Variants in ZNF534 observed in about 807,000 individuals in gnomAD.
The protein encoded by ZNF534 is zinc finger protein 534.
A neutral mutation model predicts 13.6 loss-of-function variants in ZNF534; 19 were observed. That is an observed-to-expected ratio of 1.40 (90% CI 0.97 to 2.05). The LOEUF (loss-of-function observed/expected upper bound fraction) is 2.05, where lower values mean the gene tolerates loss of function less well. Among genes scored for constraint, ZNF534 ranks in the 30% most tolerant of loss-of-function variants. The pLI is 0.00. For synonymous variants in ZNF534, 244 were observed against 273.8 expected (o/e 0.89, Z 1.07); for missense variants, 782 against 796.3 (o/e 0.98, Z 0.22).
intron 4 of ZNF534, among the ~76,000 whole-genome samples, chr19:52,449,093 TATGAG>T (rs1169614462): frequency 3.3e-5 from 5 of 152,274 alleles, no homozygotes; most frequent in African/African-American, 9.6e-5. Flanking sequence ...CGAGTGAGAG[TATGAG>T]ATAATTGTCT....
intron 2 of ZNF534, 110 bp downstream of exon 2, chr19:52,431,599 G>A: frequency 7.1e-7 from 1 of 1,407,568 alleles, no homozygotes; most frequent in South Asian, 1.2e-5. Flanking sequence ...TCATTTCATT[G>A]CACTTACCCA....
In ZNF534 at chr19:52,441,255, C is replaced by A. The variant is rs140111093; in HGVS notation, c.*1809C>A. ...GTACTCCAGGCATGGTGGCTCACAC[C>A]TATAATCCCAGCCCTTTGGGAGGCC... On this transcript the variant is annotated 3_prime_UTR_variant, in exon 5 of 5. Transcript: ENST00000433050. Among the ~76,000 whole-genome samples, 1 of 152,170 alleles carries A rather than the reference C, an allele frequency of 6.6e-6. No homozygotes were observed. The highest frequency in any genetic ancestry group is 2.1e-4 in the South Asian group (1 of 4,828).
chr19:52,433,855 C>A, intron 2 of ZNF534, 100 bp from the exon 3 acceptor site: 1 of 1,382,662 alleles, frequency 7.2e-7, no homozygotes, highest in Non-Finnish European at 1.0e-6. Context: ...TGGCGCAGTG[C>A]TCGCTTCAGT....
chr19:52,439,099 G>C lies in ZNF534; in HGVS notation c.1639G>C (p.Glu547Gln). The part of the protein sequence containing the change: ...LVRHRNVHTG[E>Q]KPYSCNECGK... ...GCGACATAGGAATGTTCATACTGGA[G>C]AAAAGCCTTACAGTTGTAATGAATG... Residue 547 changes from glutamate (E) to glutamine (Q), a missense_variant, in exon 5 of 5, where the codon GAA (glutamate) becomes CAA (glutamine). Physicochemically the swap from Glu to Gln is conservative, Grantham distance 29. This residue lies in a region of ZNF534 where 591 missense variants were observed against 574.0 expected (regional missense o/e 1.03). Transcript: ENST00000433050. 6.3e-7 allele frequency: 1 copy of C among 1,594,960 alleles called. No homozygotes were observed. Among genetic ancestry groups the C allele is most frequent in the Non-Finnish European group, 8.5e-7 (1 of 1,170,174 alleles).
At chr19:52,451,331 C>A in exon 5 of ZNF534, 3 of 1,121,396 alleles carry the variant, frequency 2.7e-6, no homozygotes, top group South Asian at 1.3e-5. Flanking sequence ...CCATTTCCTT[C>A]CGTTTCTGCT....
downstream of ZNF534, among the ~76,000 whole-genome samples, chr19:52,446,371 C>T (rs2059194465): frequency 6.6e-6 from 1 of 152,030 alleles, no homozygotes; most frequent in African/African-American, 2.4e-5. Flanking sequence ...AAACTGACAC[C>T]CAACATTCTC....
downstream of ZNF534, among the ~76,000 whole-genome samples, chr19:52,446,583 T>C (rs185138074): frequency 2.1e-3 from 314 of 151,632 alleles, 2 homozygotes; most frequent in Middle Eastern, 3.5e-3. Flanking sequence ...TTTGGCTGAG[T>C]GTGGTGGCTC....
rs1599869847 is a variant in ZNF534 at position 52,441,780 on chromosome 19, G to A, written c.*2334G>A. On this transcript the variant is annotated 3_prime_UTR_variant, in exon 5 of 5. Coordinates refer to ENST00000433050, the MANE Select transcript of ZNF534 (RefSeq NM_001143938.3). The stretch of plus-strand genomic sequence containing the variant: ...CCTTACAAATACAAATCACCACATA[G>A]AGAGAAACCTTACAAATACAAATCA... 6.6e-6 allele frequency among the ~76,000 whole-genome samples: 1 copy of A among 152,208 alleles called. No individual in the cohort carries two copies. The highest frequency in any genetic ancestry group is 2.4e-5 in the African/African-American group (1 of 41,524).
At position 52,439,794 on chromosome 19, in the gene ZNF534, C is replaced by A. The variant is rs764332808; in HGVS notation, c.*348C>A. On this transcript the variant is annotated 3_prime_UTR_variant, in exon 5 of 5. Transcript: ENST00000433050. ...AAAAAAAATGAGTGAAGCTGCCAAG[C>A]ATGGTGGCTCACGCCTTTAATCCCA... Among the ~76,000 whole-genome samples the A allele has an allele frequency of 5.3e-5, 8 of 151,282 alleles. No homozygotes were observed. Among genetic ancestry groups the A allele is most frequent in the Non-Finnish European group, 1.0e-4 (7 of 67,898 alleles).
chr19:52,438,332 T>C lies in ZNF534; in HGVS notation c.872T>C (p.Ile291Thr). 6.2e-7 allele frequency: 1 copy of C among 1,606,538 alleles called. No individual in the cohort carries two copies. Among genetic ancestry groups the C allele is most frequent in the Non-Finnish European group, 8.5e-7 (1 of 1,174,320 alleles). ...HHAYLAQHRK[I>T]HTGEKPYKCS... ...GCCTACCTTGCACAGCATAGGAAAA[T>C]TCATACTGGAGAGAAGCCTTACAAA... Residue 291 changes from isoleucine to threonine, a missense_variant, in exon 5 of 5, where the codon ATT becomes ACT. Physicochemically the swap from Ile to Thr is moderately conservative, Grantham distance 89. Transcript: ENST00000433050.
chr19:52,435,318 C>T lies in ZNF534; in HGVS notation c.271+109C>T, dbSNP rs1230154753. 9.5e-6 allele frequency: 12 copies of T among 1,263,856 alleles called. No individual in the cohort carries two copies. The East Asian group carries it at 1.5e-4, about 16-fold the overall frequency. 78.3% of individuals were successfully genotyped at this position (1,263,856 alleles called of 1,614,324 possible). On this transcript the variant is annotated intron_variant, in intron 4 of 4. Coordinates refer to ENST00000433050, the MANE Select transcript of ZNF534 (RefSeq NM_001143938.3). ...CAGTGGCAATCATAGCTCACAGCAGCCTTAAACTCCTGGACTTAAGGGATC... is the reference window on the plus strand; with the variant it reads ...CAGTGGCAATCATAGCTCACAGCAGTCTTAAACTCCTGGACTTAAGGGATC...
intron 2 of ZNF534, among the ~76,000 whole-genome samples, chr19:52,433,555 A>G (rs2059105662): frequency 6.6e-6 from 1 of 152,250 alleles, no homozygotes; most frequent in Non-Finnish European, 1.5e-5. Context: ...TTTAGTAGAG[A>G]TGGGGTTTCA....
rs1599863582 is a variant in ZNF534 at position 52,436,901 on chromosome 19, A to T, written c.272-831A>T. On this transcript the variant is annotated intron_variant, in intron 4 of 4. Coordinates refer to ENST00000433050, the MANE Select transcript of ZNF534 (RefSeq NM_001143938.3). ...CTTTTAGTTTGGTGTCTGGAGTTTT[A>T]TTTATTTATTTATTTGTTATTCTTC... Among the ~76,000 whole-genome samples, 5 of 151,362 alleles carry T rather than the reference A, an allele frequency of 3.3e-5. No homozygotes were observed. In the South Asian group the frequency reaches 1.0e-3, roughly 32 times the overall value.
chr19:52,438,079 A>T lies in ZNF534; in HGVS notation c.619A>T (p.Ile207Phe). Residue 207 changes from isoleucine to phenylalanine, a missense_variant, in exon 5 of 5, where the codon ATC (isoleucine) becomes TTC (phenylalanine). Physicochemically the swap from Ile to Phe is conservative, Grantham distance 21. Transcript: ENST00000433050. ...VSSSLTNRQV[I>F]HIADKTYKCS... is the part of the protein sequence containing the mutation. ...TTCAAGCCTTACTAACCGTCAAGTA[A>T]TCCACATTGCAGATAAAACTTACAA... 6 of 1,614,208 alleles carry T rather than the reference A, an allele frequency of 3.7e-6. No homozygotes were observed. Among genetic ancestry groups the T allele is most frequent in the Non-Finnish European group, 5.1e-6 (6 of 1,180,036 alleles).
rs2059174074 is a variant in ZNF534, at chr19:52,441,757, TTACAAA to T, written c.*2319_*2324del. 6.6e-6 allele frequency among the ~76,000 whole-genome samples: 1 copy of T among 152,060 alleles called. No individual in the cohort carries two copies. The highest frequency in any genetic ancestry group is 1.5e-5 in the Non-Finnish European group (1 of 68,018). ...GCGAATCACCACATAGAGAGAAACC[TTACAAA>T]TACAAATCACCACATAGAGAGAAAC... On this transcript the variant is annotated 3_prime_UTR_variant, in exon 5 of 5. Transcript: ENST00000433050.
chr19:52,450,171 TA>T (rs959209910), intron 4 of ZNF534, among the ~76,000 whole-genome samples: 8 of 152,352 alleles, frequency 5.3e-5, no homozygotes, highest in African/African-American at 1.9e-4. Context: ...AGAATCTTTT[TA>T]GTTTAATATA....
At chr19:52,446,056 C>A (rs1295552685), downstream of ZNF534, among the ~76,000 whole-genome samples, 3 of 152,126 alleles carry the variant, frequency 2.0e-5, no homozygotes, top group Non-Finnish European at 2.9e-5. Context: ...TCCTTTAAAT[C>A]TTTAATTCAA....
chr19:52,438,238 C>T lies in ZNF534; in HGVS notation c.778C>T (p.His260Tyr). The change falls in exon 5 of 5, where the codon CAT becomes TAT. Residue 260 changes from histidine to tyrosine, a missense_variant. His to Tyr is a moderately conservative substitution (Grantham distance 83, BLOSUM62 2). Around this residue, in one of 5 missense-constraint regions of ZNF534, gnomAD observed 591 missense variants for 574.0 expected, o/e 1.03. Transcript: ENST00000433050. ...VFNQNSHLAQ[H>Y]QKIHTGQKPY... is the part of the protein sequence containing the mutation. Reference sequence around the variant, plus strand: ...CAATCAGAATTCACACCTTGCACAACATCAGAAAATTCATACTGGACAGAA... The same window carrying T: ...CAATCAGAATTCACACCTTGCACAATATCAGAAAATTCATACTGGACAGAA... The T allele has an allele frequency of 6.2e-7, 1 of 1,614,042 alleles. No individual in the cohort carries two copies. Among genetic ancestry groups the T allele is most frequent in the South Asian group, 1.1e-5 (1 of 91,070 alleles).
In ZNF534 at chr19:52,451,374, G is replaced by C. The variant is rs546626029; in HGVS notation, c.459G>C (p.Thr153=). 115 of 927,394 alleles carry C rather than the reference G, an allele frequency of 1.2e-4. No individual in the cohort carries two copies. The South Asian group carries it at 1.4e-3, about 12-fold the overall frequency. The allele number at this position is 927,394 out of a possible 1,614,324, so 57.4% of individuals were successfully genotyped here. ...GCGATGCAAAACGCGCGAGGCTCAC[G>C]GCAGAGGGCCGAGGCCACGGGACTC... is the stretch of plus-strand genomic sequence containing the variant. The change falls in exon 5 of 5, where the codon ACG becomes ACC. Residue 153 remains threonine, a synonymous_variant. Coordinates refer to the ZNF534 transcript ENST00000301085.
Sources: allele counts gnomAD v4.1 joint callset (sites outside exome capture counted in the v4.1 genomes callset), GRCh38; gene constraint gnomAD v4.1.1; regional missense constraint gnomAD v4.1.1; transcripts MANE v1.5; gene names NCBI Gene and HGNC (gene_info 2026-07-23, HGNC 2026-07-21).